GABRG1: variants seen among roughly 807,000 people sequenced by gnomAD.
GABRG1 encodes gamma-aminobutyric acid type A receptor subunit gamma1, also known as gamma-aminobutyric acid receptor subunit gamma-1.
In GABRG1, 49 loss-of-function variants were observed where a neutral mutation model predicts 49.8. The ratio of observed to expected loss-of-function variants is 0.98; its 90% CI spans 0.78 to 1.25. GABRG1 has a LOEUF of 1.25. GABRG1 is among the 50% of genes most tolerant of loss of function. The pLI, the probability that GABRG1 is intolerant of heterozygous loss-of-function variation, is 0.00. For missense variants in GABRG1, 552 were observed against 552.3 expected (o/e 1.00, Z 0.01); for synonymous variants, 232 against 185.1 (o/e 1.25, Z -2.06).
At chr4:46,117,687 T>G (rs889727847) in intron 1 of GABRG1, among the ~76,000 whole-genome samples, 5 of 144,648 alleles carry the variant, frequency 3.5e-5, no homozygotes, top group East Asian at 2.0e-4. Context: ...TATATACACA[T>G]GTATATAGCT....
chr4:46,076,924 G>A (rs1395557465), intron 3 of GABRG1, among the ~76,000 whole-genome samples: 3 of 151,200 alleles, frequency 2.0e-5, no homozygotes, highest in Non-Finnish European at 4.4e-5. Context: ...AAATAATAAT[G>A]GTGGCTAAAA....
At chr4:46,060,173 T>G (rs1433156544) in intron 5 of GABRG1, among the ~76,000 whole-genome samples, 3 of 152,070 alleles carry the variant, frequency 2.0e-5, no homozygotes, top group African/African-American at 7.2e-5. Context: ...GAGGTAGACT[T>G]GTAATTAGAT....
intron 1 of GABRG1, among the ~76,000 whole-genome samples, chr4:46,109,478 G>T (rs542160888): frequency 6.6e-6 from 1 of 150,834 alleles, no homozygotes; most frequent in South Asian, 2.1e-4. Context: ...AGGTTTCACT[G>T]ATTCTTTGTA....
chr4:46,042,310 G>A (rs1271542721), intron 8 of GABRG1, among the ~76,000 whole-genome samples: 1 of 151,842 alleles, frequency 6.6e-6, no homozygotes, highest in Non-Finnish European at 1.5e-5. Context: ...CAAAGTCCTA[G>A]ACCACATAAA....
chr4:46,082,685 A>C (rs1719619572), intron 3 of GABRG1, among the ~76,000 whole-genome samples: 1 of 151,676 alleles, frequency 6.6e-6, no homozygotes, highest in Non-Finnish European at 1.5e-5. Context: ...TTGTATTCTC[A>C]TGTGCATTTG....
Position 46,037,765 on chromosome 4 carries a change from T to A in GABRG1, c.*3223A>T, listed in dbSNP as rs551496579. ...CTACTAAAATCATCTTATTTAAAGC[T>A]CCTCTCTTGTAAAATCAAAGTGTTT... On this transcript the variant is annotated 3_prime_UTR_variant, in exon 9 of 9. Transcript: ENST00000295452. 6.6e-6 allele frequency: 1 copy of A among 151,848 alleles called. No individual in the cohort carries two copies. The highest frequency in any genetic ancestry group is 2.1e-4 in the South Asian group (1 of 4,824). The allele number at this position is 151,848 out of a possible 1,614,324, so 9.4% of individuals were successfully genotyped here.
At chr4:46,100,952 A>G (rs1720361405) in intron 1 of GABRG1, among the ~76,000 whole-genome samples, 1 of 151,500 alleles carries the variant, frequency 6.6e-6, no homozygotes, top group African/African-American at 2.4e-5. Context: ...TATGCTCAGA[A>G]TGTTCATTAA....
intron 2 of GABRG1, among the ~76,000 whole-genome samples, chr4:46,085,964 G>A (rs966914296): frequency 2.6e-5 from 4 of 151,524 alleles, no homozygotes; most frequent in Non-Finnish European, 5.9e-5. Context: ...TTGAAAGTAA[G>A]CACAGACTAT....
At position 46,071,727 on chromosome 4, in the gene GABRG1, TA is replaced by T. The variant is rs942206531; in HGVS notation, c.322-6144del. 1.6e-3 allele frequency among the ~76,000 whole-genome samples: 229 copies of T among 146,898 alleles called. 1 individual carries two copies. Among genetic ancestry groups the T allele is most frequent in the African/African-American group, 5.0e-3 (200 of 40,168 alleles). ...GTTTTTAACAAAATGTTGAAAAAGC[TA>T]AAAAAAAAATTGAAAAAAGCAAAAG... On this transcript the variant is annotated intron_variant, in intron 3 of 8. Coordinates refer to ENST00000295452, the MANE Select transcript of GABRG1 (RefSeq NM_173536.4).
intron 5 of GABRG1, among the ~76,000 whole-genome samples, chr4:46,059,880 A>G (rs563163738): frequency 6.6e-6 from 1 of 152,156 alleles, no homozygotes; most frequent in Admixed American, 6.6e-5. Context: ...TATGTTTATT[A>G]GAATTTTGGA....
chr4:46,055,944 G>A (rs1718403537), intron 7 of GABRG1, among the ~76,000 whole-genome samples: 1 of 12,840 alleles, frequency 7.8e-5, no homozygotes, highest in Non-Finnish European at 1.4e-4. Flanking sequence ...CACACTCTGG[G>A]GACTGTGGTG....
At chr4:46,098,342 T>C (rs1438135258) in intron 1 of GABRG1, among the ~76,000 whole-genome samples, 1 of 151,778 alleles carries the variant, frequency 6.6e-6, no homozygotes, top group Non-Finnish European at 1.5e-5. Flanking sequence ...ACACCCATTT[T>C]AGGAAATCCC....
intron 8 of GABRG1, among the ~76,000 whole-genome samples, chr4:46,044,523 A>G (rs1247846685): frequency 6.6e-6 from 1 of 152,050 alleles, no homozygotes. Context: ...CTTGGTGACG[A>G]GGAGCTGCCA....
chr4:46,068,925 G>A (rs1173715830), intron 3 of GABRG1, among the ~76,000 whole-genome samples: 2 of 152,056 alleles, frequency 1.3e-5, no homozygotes, highest in Non-Finnish European at 2.9e-5. Flanking sequence ...TTTAAAATTT[G>A]ACATCCAATG....
At chr4:46,043,952 GATA>G (rs1577626822) in intron 8 of GABRG1, among the ~76,000 whole-genome samples, 2 of 151,746 alleles carry the variant, frequency 1.3e-5, no homozygotes, top group Non-Finnish European at 1.5e-5. Flanking sequence ...TATACCATCT[GATA>G]ATTATTATAC....
At chr4:46,113,656 A>G (rs1380070714) in intron 1 of GABRG1, among the ~76,000 whole-genome samples, 7 of 151,184 alleles carry the variant, frequency 4.6e-5, no homozygotes, top group African/African-American at 1.5e-4. Context: ...TTCCAATTTA[A>G]TATATTTATG....
intron 3 of GABRG1, among the ~76,000 whole-genome samples, chr4:46,080,022 C>T (rs1462439951): frequency 6.6e-6 from 1 of 151,614 alleles, no homozygotes; most frequent in Non-Finnish European, 1.5e-5. Context: ...TCTATTTTTC[C>T]CCAGTCTTCA....
At chr4:46,078,900 G>GT (rs1417230606) in intron 3 of GABRG1, among the ~76,000 whole-genome samples, 2 of 151,768 alleles carry the variant, frequency 1.3e-5, no homozygotes, top group African/African-American at 2.4e-5. Context: ...ATTTTTTCTA[G>GT]TTTTTTATGG....
In GABRG1 at chr4:46,036,487, A is replaced by G. The variant is rs1011561846; in HGVS notation, c.*4501T>C. 1 of 151,942 alleles carries G rather than the reference A, an allele frequency of 6.6e-6. No homozygotes were observed. The highest frequency in any genetic ancestry group is 1.5e-5 in the Non-Finnish European group (1 of 67,888). The allele number at this position is 151,942 out of a possible 1,614,324, so 9.4% of individuals were successfully genotyped here. ...AAAAGATAAATCAACAGGAAAAATA[A>G]GCCTTTGTATTACATTCAGAATTTC... is the stretch of plus-strand genomic sequence containing the variant. On this transcript the variant is annotated 3_prime_UTR_variant, in exon 9 of 9. Coordinates refer to ENST00000295452, the MANE Select transcript of GABRG1 (RefSeq NM_173536.4).
Sources: allele counts gnomAD v4.1 joint callset (sites outside exome capture counted in the v4.1 genomes callset), GRCh38; gene constraint gnomAD v4.1.1; transcripts MANE v1.5; gene names NCBI Gene and HGNC (gene_info 2026-07-23, HGNC 2026-07-21).